The following DOP1A variants were observed in gnomAD, a reference collection of about 807,000 sequenced individuals.
DOP1A encodes the protein protein DOP1A.
In DOP1A, 90 loss-of-function variants were observed where a neutral mutation model predicts 267.6. The ratio of observed to expected loss-of-function variants is 0.34; its 90% CI spans 0.28 to 0.40. The LOEUF is 0.40. Ranked by LOEUF, DOP1A falls within the 10% of genes least tolerant of loss-of-function variation. DOP1A has a pLI of 1.00. For synonymous variants in DOP1A, 932 were observed against 999.1 expected, an observed-to-expected ratio of 0.93 and a Z score of 1.27; for missense variants, 2,437 against 2,900.4, an observed-to-expected ratio of 0.84 and a Z score of 3.67.
chr6:83,162,474 C>T (rs1784459289), intron 37 of DOP1A, among the ~76,000 whole-genome samples: 1 of 152,092 alleles, frequency 6.6e-6, no homozygotes, highest in African/African-American at 2.4e-5. Context: ...GAACCTTATG[C>T]CTGTTCGCTA....
At chr6:83,167,038 G>C (rs1785892648) in intron 38 of DOP1A, 2 of 985,330 alleles carry the variant, frequency 2.0e-6, no homozygotes, top group Non-Finnish European at 2.4e-6. Flanking sequence ...AGCTGTGTTT[G>C]TGTAATTCAG....
chr6:83,167,440 G>T lies in DOP1A; in HGVS notation c.7093-422G>T, dbSNP rs572895210. Reference sequence around the variant, plus strand: ...GGAATTAACTAATTATAATAAAAGGGGATATATTATGAAATGTATAAAGCA... The same window carrying T: ...GGAATTAACTAATTATAATAAAAGGTGATATATTATGAAATGTATAAAGCA... On this transcript the variant is annotated intron_variant, in intron 38 of 38. Coordinates refer to ENST00000349129, the MANE Select transcript of DOP1A (RefSeq NM_015018.4). 11 of 981,146 alleles carry T rather than the reference G, an allele frequency of 1.1e-5. No homozygotes were observed. The Admixed American group carries it at 6.1e-4, about 54-fold the overall frequency. The allele number at this position is 981,146 out of a possible 1,614,324, so 60.8% of individuals were successfully genotyped here.
At position 83,124,822 on chromosome 6, in the gene DOP1A, A is replaced by G; in HGVS notation, c.1455+3A>G. ...TTTTGTTGGACATAGTTTCTTTGGT[A>G]AGACCACCTTGGTAAGAAAATATCA... On this transcript the variant is annotated splice_donor_region_variant and intron_variant, in intron 13 of 38. Transcript: ENST00000349129. 1 of 1,604,118 alleles carries G rather than the reference A, an allele frequency of 6.2e-7. No individual in the cohort carries two copies. The highest frequency in any genetic ancestry group is 8.5e-7 in the Non-Finnish European group (1 of 1,172,506).
intron 34 of DOP1A, among the ~76,000 whole-genome samples, chr6:83,156,857 C>G (rs141860435): frequency 4.0e-5 from 6 of 151,878 alleles, no homozygotes; most frequent in African/African-American, 1.5e-4. Context: ...TTGACTAGAT[C>G]AGTGCTACTC....
intron 1 of DOP1A, among the ~76,000 whole-genome samples, chr6:83,070,558 C>G (rs941374073): frequency 5.3e-5 from 8 of 152,190 alleles, no homozygotes; most frequent in African/African-American, 1.9e-4. Flanking sequence ...TTGGAAGATG[C>G]CACCACTCAG....
rs746484708 is a variant in DOP1A, at chr6:83,158,557, C to T, written c.6742-10C>T. ...GTTTAAATAAACATTTAACATTTCA[C>T]CATTTTCAGGTACAAGTATTTTTAC... On this transcript the variant is annotated splice_polypyrimidine_tract_variant and intron_variant, in intron 35 of 38. Coordinates refer to ENST00000349129, the MANE Select transcript of DOP1A (RefSeq NM_015018.4). The T allele has an allele frequency of 1.3e-6, 2 of 1,589,776 alleles. No homozygotes were observed. The highest frequency in any genetic ancestry group is 2.2e-5 in the East Asian group (1 of 44,520).
intron 5 of DOP1A, among the ~76,000 whole-genome samples, chr6:83,109,691 G>A (rs564657720): frequency 1.5e-4 from 23 of 152,096 alleles, no homozygotes; most frequent in African/African-American, 5.5e-4. Flanking sequence ...TTATTTTCGG[G>A]GAGTTAATAT....
chr6:83,082,560 T>A (rs1420286622), intron 1 of DOP1A, among the ~76,000 whole-genome samples: 2 of 152,252 alleles, frequency 1.3e-5, no homozygotes, highest in East Asian at 3.9e-4. Flanking sequence ...GATATATAGT[T>A]AGGAGGAGTA....
chr6:83,100,260 A>C (rs1488650530), intron 3 of DOP1A, among the ~76,000 whole-genome samples: 1 of 152,200 alleles, frequency 6.6e-6, no homozygotes, highest in Non-Finnish European at 1.5e-5. Context: ...ATATACTAGG[A>C]CAATGGTTGT....
At chr6:83,159,491 A>G (rs1197202930) in intron 36 of DOP1A, among the ~76,000 whole-genome samples, 1 of 150,688 alleles carries the variant, frequency 6.6e-6, no homozygotes, top group African/African-American at 2.4e-5. Context: ...GGGTTTCATC[A>G]TGTTGCCCAG....
Position 83,110,267 on chromosome 6 carries a change from T to C in DOP1A, c.634T>C (p.Ser212Pro). 1.2e-6 allele frequency: 2 copies of C among 1,614,008 alleles called. No individual in the cohort carries two copies. Among genetic ancestry groups the C allele is most frequent in the Non-Finnish European group, 1.7e-6 (2 of 1,179,954 alleles). Residue 212 changes from serine (S) to proline (P), a missense_variant, in exon 6 of 39, where the codon TCT becomes CCT. Ser to Pro is a moderately conservative substitution (Grantham distance 74). This residue lies in a region of DOP1A where 251 missense variants were observed against 359.1 expected (regional missense o/e 0.70). Coordinates refer to ENST00000349129, the MANE Select transcript of DOP1A (RefSeq NM_015018.4). ...TCTTGCCCATTTAAACAGGAAGCTT[T>C]CTATGGAAGATCAACTTTATATAAT... The part of the protein sequence containing the change: ...YVLAHLNRKL[S>P]MEDQLYIIGS...
At chr6:83,125,282 G>C in intron 14 of DOP1A, 87 bp downstream of exon 14, 3 of 1,332,942 alleles carry the variant, frequency 2.3e-6, no homozygotes, top group Non-Finnish European at 3.1e-6. Flanking sequence ...ATAAAACTGG[G>C]GTTATTTTAT....
chr6:83,147,348 A>C, intron 26 of DOP1A, 57 bp downstream of exon 26: 2 of 901,820 alleles, frequency 2.2e-6, no homozygotes, highest in Non-Finnish European at 3.2e-6. Context: ...GAGAAACATT[A>C]TTTATGGATA....
At chr6:83,160,461 C>T (rs960789735) in intron 37 of DOP1A, among the ~76,000 whole-genome samples, 1 of 152,142 alleles carries the variant, frequency 6.6e-6, no homozygotes, top group Non-Finnish European at 1.5e-5. Flanking sequence ...GGGATTAAAC[C>T]ATGTAAGACC....
At chr6:83,161,190 C>T (rs1309101966) in intron 37 of DOP1A, 3 of 152,082 alleles carry the variant, frequency 2.0e-5, no homozygotes, top group African/African-American at 7.2e-5. Flanking sequence ...GACTTTTTAT[C>T]TTCCATGACA....
At chr6:83,139,563 T>C (rs542429900) in intron 21 of DOP1A, among the ~76,000 whole-genome samples, 108 of 152,304 alleles carry the variant, frequency 7.1e-4, no homozygotes, top group Non-Finnish European at 1.5e-3. Flanking sequence ...ATTTCTTGTT[T>C]TGGATTTTCA....
chr6:83,088,852 C>G (rs891236080), intron 1 of DOP1A, among the ~76,000 whole-genome samples: 1 of 152,090 alleles, frequency 6.6e-6, no homozygotes, highest in Admixed American at 6.5e-5. Flanking sequence ...AACTGTTGAC[C>G]AAAATGAAAT....
intron 1 of DOP1A, among the ~76,000 whole-genome samples, chr6:83,082,300 G>A (rs1465421723): frequency 6.6e-6 from 1 of 152,168 alleles, no homozygotes; most frequent in Non-Finnish European, 1.5e-5. Context: ...AGAAAATATG[G>A]TTTATATACA....
chr6:83,125,673 A>C lies in DOP1A; in HGVS notation c.1659A>C (p.Gly553=), dbSNP rs138672975. The C allele has an allele frequency of 3.7e-6, 6 of 1,613,594 alleles. No individual in the cohort carries two copies. The African/African-American group carries it at 8.0e-5, about 22-fold the overall frequency. Residue 553 remains glycine, a synonymous_variant, in exon 15 of 39, where the codon GGA becomes GGC. Transcript: ENST00000349129. ...VQPPLLSAST[G]GVLQFPSGQN... ...CTCCACTGTTATCTGCTAGCACTGG[A>C]GGTGTTTTGCAGTTTCCAAGTGGGC... is the stretch of plus-strand genomic sequence containing the variant.
Sources: allele counts gnomAD v4.1 joint callset (sites outside exome capture counted in the v4.1 genomes callset), GRCh38; gene constraint gnomAD v4.1.1; regional missense constraint gnomAD v4.1.1; transcripts MANE v1.5; gene names NCBI Gene and HGNC (gene_info 2026-07-23, HGNC 2026-07-21).